RANBP17: variants seen among roughly 807,000 people sequenced by gnomAD.
RANBP17 encodes ran-binding protein 17.
RANBP17 carries 158 observed loss-of-function variants against 141.2 expected under a neutral mutation model. That is an observed-to-expected ratio of 1.12 (90% CI 0.98 to 1.28). The LOEUF is 1.28. Among genes scored for constraint, RANBP17 ranks in the 50% most tolerant of loss-of-function variants. RANBP17 has a pLI of 0.00. For synonymous variants in RANBP17, 430 were observed against 450.0 expected (o/e 0.96, Z 0.56); for missense variants, 1,438 against 1,290.7 (o/e 1.11, Z -1.75).
At chr5:171,243,605 T>G (rs1325654233) in intron 24 of RANBP17, among the ~76,000 whole-genome samples, 1 of 152,206 alleles carries the variant, frequency 6.6e-6, no homozygotes, top group African/African-American at 2.4e-5. Flanking sequence ...ACAAACTGTT[T>G]CCCAGAGTGA....
intron 14 of RANBP17, among the ~76,000 whole-genome samples, chr5:171,097,597 T>C (rs1786781656): frequency 6.8e-6 from 1 of 147,136 alleles, no homozygotes; most frequent in African/African-American, 2.5e-5. Flanking sequence ...CCTTAACCTG[T>C]ATGTAGTCTT....
At chr5:170,964,181 C>T (rs1247757467) in intron 13 of RANBP17, among the ~76,000 whole-genome samples, 2 of 152,040 alleles carry the variant, frequency 1.3e-5, no homozygotes, top group Non-Finnish European at 2.9e-5. Context: ...TAATAGCTAT[C>T]AAAATTATAA....
intron 12 of RANBP17, among the ~76,000 whole-genome samples, chr5:170,946,439 T>C (rs1774768441): frequency 6.6e-6 from 1 of 152,164 alleles, no homozygotes; most frequent in African/African-American, 2.4e-5. Context: ...GTGTATAACA[T>C]ATCCTACACA....
Position 171,088,744 on chromosome 5 carries a change from G to A in RANBP17, c.1711-81386G>A, listed in dbSNP as rs573385293. On this transcript the variant is annotated intron_variant, in intron 14 of 27. Coordinates refer to ENST00000523189, the MANE Select transcript of RANBP17 (RefSeq NM_022897.5). ...TCCATCACTGATACCCTTTCTTCCA[G>A]TTGATCGCATCGGCTCCTGAGGCTT... 2.6e-4 allele frequency among the ~76,000 whole-genome samples: 39 copies of A among 152,072 alleles called. 2 individuals are homozygous for A. In the South Asian group the frequency reaches 7.7e-3, roughly 30 times the overall value.
intron 16 of RANBP17, among the ~76,000 whole-genome samples, chr5:171,175,251 A>G (rs1304271739): frequency 6.6e-6 from 1 of 152,234 alleles, no homozygotes; most frequent in African/African-American, 2.4e-5. Flanking sequence ...ATAGTGCTGC[A>G]GTAAACATAC....
chr5:171,066,945 A>G (rs1429373341), intron 14 of RANBP17, among the ~76,000 whole-genome samples: 1 of 152,218 alleles, frequency 6.6e-6, no homozygotes, highest in Admixed American at 6.5e-5. Context: ...CCATATGAAG[A>G]AAGTTTTTTG....
rs940207058 is a variant in RANBP17 at position 170,892,616 on chromosome 5, CTCT to C, written c.423+68_423+70del. The C allele has an allele frequency of 1.1e-5, 14 of 1,322,310 alleles. No individual in the cohort carries two copies. In the African/African-American group the frequency reaches 1.2e-4, roughly 11 times the overall value. 81.9% of individuals were successfully genotyped at this position (1,322,310 alleles called of 1,614,324 possible). A position where few individuals can be genotyped will look rare whatever the true frequency, so the allele number is the denominator to read the frequency against. On this transcript the variant is annotated intron_variant, in intron 4 of 27. Transcript: ENST00000523189. ...TTGCTTTTTTTGGTTTAGAATACTG[CTCT>C]TCTTAAAGCGATATAGTTTGTTTTG...
At chr5:171,286,960 G>T (rs1201444303) in intron 25 of RANBP17, among the ~76,000 whole-genome samples, 1 of 152,088 alleles carries the variant, frequency 6.6e-6, no homozygotes, top group Non-Finnish European at 1.5e-5. Context: ...TTGTTTTATT[G>T]TTTTTGTTGG....
At chr5:170,890,749 C>T (rs1769526285) in intron 3 of RANBP17, among the ~76,000 whole-genome samples, 1 of 152,246 alleles carries the variant, frequency 6.6e-6, no homozygotes, top group Admixed American at 6.5e-5. Flanking sequence ...CTAGAAAGCT[C>T]ATAACTGAAT....
chr5:171,170,805 C>T (rs977720419), intron 15 of RANBP17, among the ~76,000 whole-genome samples: 147 of 152,034 alleles, frequency 9.7e-4, no homozygotes, highest in African/African-American at 3.4e-3. Context: ...GATAAACAGT[C>T]GTGATCATAA....
At chr5:170,988,904 T>C (rs1045795311) in intron 14 of RANBP17, among the ~76,000 whole-genome samples, 2 of 151,812 alleles carry the variant, frequency 1.3e-5, no homozygotes, top group Non-Finnish European at 3.0e-5. Context: ...TAGTCCTAGC[T>C]ACTGGCAACC....
intron 14 of RANBP17, among the ~76,000 whole-genome samples, chr5:171,115,324 G>C (rs914588636): frequency 5.3e-5 from 8 of 152,032 alleles, no homozygotes; most frequent in African/African-American, 1.9e-4. Context: ...AAATTATTGA[G>C]ATCTAATACA....
intron 14 of RANBP17, among the ~76,000 whole-genome samples, chr5:171,108,232 G>T (rs1200916035): frequency 6.6e-6 from 1 of 152,048 alleles, no homozygotes; most frequent in African/African-American, 2.4e-5. Context: ...TCTTGAGGTG[G>T]GGGAGGGTCT....
intron 18 of RANBP17, among the ~76,000 whole-genome samples, chr5:171,188,106 T>G (rs1423389017): frequency 6.6e-6 from 1 of 152,152 alleles, no homozygotes; most frequent in Non-Finnish European, 1.5e-5. Context: ...TTGAGAGACA[T>G]GCAACTAGAA....
intron 23 of RANBP17, among the ~76,000 whole-genome samples, 185 bp from the exon 24 acceptor site, chr5:171,242,497 G>A (rs992793231): frequency 2.6e-5 from 4 of 152,142 alleles, no homozygotes; most frequent in African/African-American, 7.2e-5. Flanking sequence ...GAGATCAAGC[G>A]ATTCCTATCA....
intron 5 of RANBP17, among the ~76,000 whole-genome samples, chr5:170,907,632 T>G (rs781764477): frequency 6.6e-6 from 1 of 152,012 alleles, no homozygotes. Context: ...AACTTGAATT[T>G]CTCATCTTTT....
Position 171,196,686 on chromosome 5 carries a change from A to G in RANBP17, c.2039-2984A>G, listed in dbSNP as rs145050190. Reference sequence around the variant, plus strand: ...ATGTTTTGTCATTTACTTAATTCTCATGGCTAACTTTATGAAGTAAATATT... The same window carrying G: ...ATGTTTTGTCATTTACTTAATTCTCGTGGCTAACTTTATGAAGTAAATATT... On this transcript the variant is annotated intron_variant, in intron 18 of 27. Transcript: ENST00000523189. 7.6e-3 allele frequency among the ~76,000 whole-genome samples: 1,156 copies of G among 152,300 alleles called. 14 individuals are homozygous for G. The highest frequency in any genetic ancestry group is 0.026 in the African/African-American group (1,094 of 41,558).
In RANBP17 at chr5:170,997,088, C is replaced by G. The variant is rs138190931; in HGVS notation, c.1710+28711C>G. Among the ~76,000 whole-genome samples the G allele has an allele frequency of 4.5e-3, 687 of 152,258 alleles. 4 individuals carry two copies. The highest frequency in any genetic ancestry group is 0.016 in the African/African-American group (659 of 41,540). On this transcript the variant is annotated intron_variant, in intron 14 of 27. Coordinates refer to ENST00000523189, the MANE Select transcript of RANBP17 (RefSeq NM_022897.5). ...CTGTTCTCGTGATAGTGAGTGAGTTCTCACGAGATCTGATGGTTTTATGTG... is the reference window on the plus strand; with the variant it reads ...CTGTTCTCGTGATAGTGAGTGAGTTGTCACGAGATCTGATGGTTTTATGTG...
At chr5:171,199,442 G>C (rs1438376896) in intron 18 of RANBP17, among the ~76,000 whole-genome samples, 2 of 151,188 alleles carry the variant, frequency 1.3e-5, no homozygotes, top group Non-Finnish European at 3.0e-5. Context: ...TAAAGAACCA[G>C]GAAAAAAAAA....
Sources: gnomAD v4.1 joint callset for allele counts (sites outside exome capture counted in the v4.1 genomes callset) on GRCh38, gnomAD v4.1.1 for gene constraint, MANE v1.5 for transcripts, NCBI Gene and HGNC (gene_info 2026-07-23, HGNC 2026-07-21) for gene names.